The following ZNF618 variants were observed in gnomAD, a reference collection of about 807,000 sequenced individuals.
ZNF618 encodes the protein zinc finger protein 618.
Under a neutral mutation model 103.0 loss-of-function variants are expected in ZNF618, and 34 were observed. The ratio of observed to expected loss-of-function variants is 0.33; its 90% confidence interval spans 0.25 to 0.44. ZNF618 has a LOEUF of 0.44. Among genes scored for constraint, ZNF618 ranks in the 20% least tolerant of loss-of-function variants. The probability of loss-of-function intolerance (pLI) is 1.00; values close to 1 mark genes in which losing one functional copy is unlikely to be tolerated. For synonymous variants in ZNF618, 551 were observed against 542.2 expected (o/e 1.02, Z -0.23); for missense variants, 1,059 against 1,295.4 (o/e 0.82, Z 2.80).
rs1469354393 is a variant in ZNF618 at position 113,973,391 on chromosome 9, CATA to C, written c.77+4234_77+4236del. On this transcript the variant is annotated intron_variant, in intron 2 of 14. Transcript: ENST00000374126. The stretch of plus-strand genomic sequence containing the variant: ...AGCGCCTTCCTCTTGGCCTGGAACA[CATA>C]ATGTTATTTCTCCAGAGGGCCTCTG... Among the ~76,000 whole-genome samples, 6 of 152,296 alleles carry C rather than the reference CATA, an allele frequency of 3.9e-5. No individual in the cohort carries two copies. In the East Asian group the frequency reaches 1.2e-3, roughly 29 times the overall value.
chr9:113,953,232 G>A (rs2132378820), intron 1 of ZNF618, among the ~76,000 whole-genome samples: 1 of 152,322 alleles, frequency 6.6e-6, no homozygotes, highest in South Asian at 2.1e-4. Context: ...TCCCATTGAA[G>A]GGGTGTGTAC....
At chr9:113,968,635 C>T (rs1318094008) in intron 1 of ZNF618, among the ~76,000 whole-genome samples, 1 of 152,156 alleles carries the variant, frequency 6.6e-6, no homozygotes, top group Admixed American at 6.5e-5. Flanking sequence ...TCCCCCTCCC[C>T]CCACACCCAA....
intron 1 of ZNF618, among the ~76,000 whole-genome samples, chr9:113,881,065 A>G (rs886163126): frequency 3.9e-5 from 6 of 152,180 alleles, no homozygotes; most frequent in Non-Finnish European, 8.8e-5. Context: ...GGAAGGACAT[A>G]TGGAAAGGCA....
chr9:113,908,664 C>T (rs1455116709), intron 1 of ZNF618, among the ~76,000 whole-genome samples: 1 of 151,998 alleles, frequency 6.6e-6, no homozygotes, highest in Non-Finnish European at 1.5e-5. Context: ...TCTGGTTGGC[C>T]CCTCAGGCAG....
chr9:113,904,420 C>T (rs990344141), intron 1 of ZNF618, among the ~76,000 whole-genome samples: 15 of 152,048 alleles, frequency 9.9e-5, no homozygotes, highest in African/African-American at 3.6e-4. Flanking sequence ...GTTAATTTTT[C>T]TGCTGCTTTC....
In ZNF618 at chr9:114,049,091, C is replaced by T. The variant is rs941787598; in HGVS notation, c.1789C>T (p.His597Tyr). 1.9e-6 allele frequency: 3 copies of T among 1,613,736 alleles called. No individual in the cohort carries two copies. Among genetic ancestry groups the T allele is most frequent in the Non-Finnish European group, 2.5e-6 (3 of 1,179,898 alleles). ...DIRDSGDLVH[H>Y]WVQNVLSEFV... ...TCGCGACAGCGGTGACCTTGTGCAC[C>T]ACTGGGTGCAGAACGTGCTGTCGGA... The change falls in exon 15 of 15, where the codon CAC becomes TAC. Residue 597 changes from histidine (H) to tyrosine (Y), a missense_variant. Physicochemically the swap from His to Tyr is moderately conservative, Grantham distance 83 (BLOSUM62 2). Around this residue, in one of 6 missense-constraint regions of ZNF618, gnomAD observed 272 missense variants for 380.1 expected, o/e 0.72. Coordinates refer to ENST00000374126, the MANE Select transcript of ZNF618 (RefSeq NM_001318042.2).
intron 1 of ZNF618, among the ~76,000 whole-genome samples, chr9:113,890,291 G>A (rs981470320): frequency 5.9e-5 from 9 of 152,014 alleles, no homozygotes; most frequent in African/African-American, 2.4e-5. Flanking sequence ...CGAGATAACC[G>A]CCCTTCACAT....
Position 114,002,076 on chromosome 9 carries a change from G to T in ZNF618, c.511+3G>T. On this transcript the variant is annotated splice_donor_region_variant and intron_variant, in intron 5 of 14. Coordinates refer to ENST00000374126, the MANE Select transcript of ZNF618 (RefSeq NM_001318042.2). ...GACCCACGTGCGGGCGCACCGAGGTGAGAGGAGTGTCCCTGGGGCAGAGCC... is the reference window on the plus strand; with the variant it reads ...GACCCACGTGCGGGCGCACCGAGGTTAGAGGAGTGTCCCTGGGGCAGAGCC... The T allele has an allele frequency of 2.5e-6, 4 of 1,612,290 alleles. No homozygotes were observed. The highest frequency in any genetic ancestry group is 1.1e-5 in the South Asian group (1 of 91,068).
At chr9:113,882,806 C>T (rs1212081683) in intron 1 of ZNF618, among the ~76,000 whole-genome samples, 6 of 152,154 alleles carry the variant, frequency 3.9e-5, no homozygotes, top group African/African-American at 1.2e-4. Flanking sequence ...CTCTGGTGCC[C>T]CTTCCCTCAT....
At chr9:113,881,516 G>A (rs1488555250) in intron 1 of ZNF618, among the ~76,000 whole-genome samples, 3 of 152,178 alleles carry the variant, frequency 2.0e-5, no homozygotes, top group African/African-American at 7.2e-5. Context: ...AATGTGACAA[G>A]TTACAGTCTT....
chr9:113,921,269 T>G (rs1360275605), intron 1 of ZNF618, among the ~76,000 whole-genome samples: 1 of 152,162 alleles, frequency 6.6e-6, no homozygotes, highest in Non-Finnish European at 1.5e-5. Flanking sequence ...ATCAGGCCAG[T>G]GTTATGCACC....
chr9:113,907,371 A>G (rs1038315982), intron 1 of ZNF618, among the ~76,000 whole-genome samples: 1 of 152,178 alleles, frequency 6.6e-6, no homozygotes, highest in East Asian at 1.9e-4. Context: ...CCAATTGTTC[A>G]TGGTGTTCAC....
At chr9:113,878,257 T>C (rs911051601) in intron 1 of ZNF618, among the ~76,000 whole-genome samples, 4 of 151,694 alleles carry the variant, frequency 2.6e-5, no homozygotes, top group Middle Eastern at 3.4e-3. Flanking sequence ...AAAAAGGAGA[T>C]GAAAATTCTG....
intron 1 of ZNF618, among the ~76,000 whole-genome samples, chr9:113,957,368 T>C (rs1040348115): frequency 1.4e-4 from 22 of 152,164 alleles, no homozygotes; most frequent in African/African-American, 5.3e-4. Context: ...TGTATCGAGC[T>C]ACTAAGTAGC....
At chr9:113,952,043 T>C (rs746852262) in intron 1 of ZNF618, among the ~76,000 whole-genome samples, 3 of 152,184 alleles carry the variant, frequency 2.0e-5, no homozygotes, top group African/African-American at 7.2e-5. Flanking sequence ...CCATCAGTTA[T>C]GTGGACGGGG....
At chr9:113,879,438 G>A (rs978477736) in intron 1 of ZNF618, among the ~76,000 whole-genome samples, 3 of 91,534 alleles carry the variant, frequency 3.3e-5, no homozygotes, top group African/African-American at 1.4e-4. Context: ...GATCATGTTT[G>A]TTGTAAAGGA....
At chr9:113,926,443 T>C (rs778382848) in intron 1 of ZNF618, among the ~76,000 whole-genome samples, 4 of 152,072 alleles carry the variant, frequency 2.6e-5, no homozygotes, top group South Asian at 2.1e-4. Flanking sequence ...TTCTCAGCCA[T>C]TGCTACTTCA....
intron 1 of ZNF618, among the ~76,000 whole-genome samples, chr9:113,919,780 T>C (rs1832468403): frequency 6.6e-6 from 1 of 152,256 alleles, no homozygotes. Flanking sequence ...GGGTTGCCTC[T>C]AGTTTGCAGA....
At chr9:113,982,361 G>A (rs991061277) in intron 2 of ZNF618, among the ~76,000 whole-genome samples, 14 of 151,918 alleles carry the variant, frequency 9.2e-5, no homozygotes, top group African/African-American at 2.9e-4. Context: ...GGTGGCCATC[G>A]GCATTCCTCG....
Sources: gnomAD v4.1 joint callset for allele counts (sites outside exome capture counted in the v4.1 genomes callset) on GRCh38, gnomAD v4.1.1 for gene constraint, gnomAD v4.1.1 regional missense constraint, MANE v1.5 for transcripts, NCBI Gene and HGNC (gene_info 2026-07-23, HGNC 2026-07-21) for gene names.